Variants in LGR6 observed in about 807,000 individuals in gnomAD.
LGR6 encodes leucine-rich repeat-containing G protein-coupled receptor 6.
Under a neutral mutation model 69.4 loss-of-function variants are expected in LGR6, and 45 were observed. That is an observed-to-expected ratio of 0.65 (90% CI 0.51 to 0.83). The LOEUF (loss-of-function observed/expected upper bound fraction) is 0.83. Ranked by LOEUF, LGR6 falls within the 40% of genes least tolerant of loss-of-function variation. The pLI is 0.00. For missense variants in LGR6, 1,108 were observed against 1,246.7 expected, an observed-to-expected ratio of 0.89 and a Z score of 1.68; for synonymous variants, 538 against 555.0, an observed-to-expected ratio of 0.97 and a Z score of 0.43.
chr1:202,194,157 G>C lies in LGR6; in HGVS notation c.168G>C (p.Gly56=). The C allele has an allele frequency of 6.4e-7, 1 of 1,574,036 alleles. No homozygotes were observed. Among genetic ancestry groups the C allele is most frequent in the South Asian group, 1.1e-5 (1 of 87,716 alleles). The change falls in exon 1 of 18, where the codon GGG becomes GGC. Residue 56 remains glycine (G), a synonymous_variant. Transcript: ENST00000367278. ...TGTCTGCCGACTGCTCTGAGCTCGGGCTGTCCGCCGTTCCGGGGGACCTGG... is the reference window on the plus strand; with the variant it reads ...TGTCTGCCGACTGCTCTGAGCTCGGCCTGTCCGCCGTTCCGGGGGACCTGG... ...IMLSADCSEL[G]LSAVPGDLDP...
intron 4 of LGR6, among the ~76,000 whole-genome samples, chr1:202,248,361 G>A (rs1021119414): frequency 6.6e-6 from 1 of 152,186 alleles, no homozygotes; most frequent in African/African-American, 2.4e-5. Flanking sequence ...TGCTTTTTTG[G>A]CTCTGGAAGG....
Position 202,318,008 on chromosome 1 carries a change from TGGG to T in LGR6, c.1706_1708del (p.Trp569_Ala570delinsSer). ...AAGCTGGGGCATCCGCCTGGCCGTG[TGGG>T]CCATCGTGTTGCTCTCCGTGCTCTG... On this transcript the variant is annotated inframe_deletion, in exon 18 of 18. Transcript: ENST00000367278. 6.2e-7 allele frequency: 1 copy of T among 1,614,162 alleles called. No individual in the cohort carries two copies. Among genetic ancestry groups the T allele is most frequent in the Non-Finnish European group, 8.5e-7 (1 of 1,180,006 alleles).
In LGR6 at chr1:202,305,711, G is replaced by A; in HGVS notation, c.1098G>A (p.Glu366=). 6.2e-7 allele frequency: 1 copy of A among 1,614,040 alleles called. No individual in the cohort carries two copies. The highest frequency in any genetic ancestry group is 1.1e-5 in the South Asian group (1 of 91,076). Residue 366 remains glutamate (E), a synonymous_variant, in exon 12 of 18, where the codon GAG becomes GAA. Transcript: ENST00000367278. ...AACTGTCTCACAATCAAATTGAGGA[G>A]CTGCCCAGCCTGCACAGGTGTCAGA... The part of the protein sequence containing the change: ...VLELSHNQIE[E]LPSLHRCQKL...
At chr1:202,227,866 C>T in intron 2 of LGR6, 70 bp from the exon 3 acceptor site, 1 of 1,073,232 alleles carries the variant, frequency 9.3e-7, no homozygotes, top group Non-Finnish European at 1.4e-6. Flanking sequence ...TCTCAAGACA[C>T]TTTCTTATGG....
intron 4 of LGR6, among the ~76,000 whole-genome samples, chr1:202,238,090 GTTTT>G (rs1229860878): frequency 6.9e-6 from 1 of 145,728 alleles, no homozygotes; most frequent in Non-Finnish European, 1.5e-5. Flanking sequence ...GTTTTGTTTT[GTTTT>G]TGTTTTTGTT....
chr1:202,208,283 T>A (rs1452196805), intron 1 of LGR6, among the ~76,000 whole-genome samples: 1 of 152,150 alleles, frequency 6.6e-6, no homozygotes. Flanking sequence ...TTTGGACAAG[T>A]CCTCTGATGC....
At chr1:202,298,289 G>A (rs538380856) in intron 7 of LGR6, among the ~76,000 whole-genome samples, 22 of 152,278 alleles carry the variant, frequency 1.4e-4, no homozygotes, top group African/African-American at 4.3e-4. Context: ...AGGGATGACC[G>A]GGATTGAGGC....
chr1:202,289,705 G>T (rs1666653735), intron 6 of LGR6, among the ~76,000 whole-genome samples: 1 of 152,198 alleles, frequency 6.6e-6, no homozygotes, highest in South Asian at 2.1e-4. Flanking sequence ...GGCTCACCCA[G>T]TCATCTGCCC....
At chr1:202,257,770 G>A (rs901807204) in intron 4 of LGR6, among the ~76,000 whole-genome samples, 1 of 152,034 alleles carries the variant, frequency 6.6e-6, no homozygotes, top group African/African-American at 2.4e-5. Context: ...TTCCTACTTT[G>A]TTATTTTCAA....
chr1:202,239,133 C>T (rs74456193), intron 4 of LGR6, among the ~76,000 whole-genome samples: 1 of 152,110 alleles, frequency 6.6e-6, no homozygotes, highest in Non-Finnish European at 1.5e-5. Flanking sequence ...TGTCTTCCAA[C>T]CAGGGTAGGT....
Position 202,227,999 on chromosome 1 carries a change from G to C in LGR6, c.348G>C (p.Leu116=). 2 of 1,610,744 alleles carry C rather than the reference G, an allele frequency of 1.2e-6. No homozygotes were observed. Among genetic ancestry groups the C allele is most frequent in the Non-Finnish European group, 1.7e-6 (2 of 1,176,966 alleles). Residue 116 remains leucine, a synonymous_variant, in exon 3 of 18, where the codon CTG becomes CTC. Coordinates refer to ENST00000367278, the MANE Select transcript of LGR6 (RefSeq NM_001017403.2). Reference sequence around the variant, plus strand: ...AAGCATTCTCTGGTCTCTACAGCCTGAAAATCCTGTAAGTATAGGTACACC... The same window carrying C: ...AAGCATTCTCTGGTCTCTACAGCCTCAAAATCCTGTAAGTATAGGTACACC... ...PGQAFSGLYS[L]KILMLQNNQL... is the part of the protein sequence containing the mutation.
In LGR6 at chr1:202,318,753, CCCTG is replaced by C. The variant is rs1198406795; in HGVS notation, c.2462_2465del (p.Cys821SerfsTer30). The C allele has an allele frequency of 1.9e-6, 3 of 1,613,618 alleles. No individual in the cohort carries two copies. Among genetic ancestry groups the C allele is most frequent in the Non-Finnish European group, 2.5e-6 (3 of 1,180,018 alleles). On this transcript the variant is annotated frameshift_variant, in exon 18 of 18. Transcript: ENST00000367278. LOFTEE classifies it low-confidence loss of function (END_TRUNC). ...AAGTCTGTCCTGCTGGTGGTGCTGC[CCCTG>C]CCTGCCTGCCTCAACCCACTGCTGT...
intron 8 of LGR6, 32 bp from the exon 9 acceptor site, chr1:202,301,131 AC>A: frequency 6.2e-7 from 1 of 1,605,874 alleles, no homozygotes; most frequent in Non-Finnish European, 8.5e-7. Flanking sequence ...GGCCTGAAAA[AC>A]CCAATTAGGT....
chr1:202,225,122 A>G (rs1483417799), intron 1 of LGR6, among the ~76,000 whole-genome samples: 3 of 152,230 alleles, frequency 2.0e-5, no homozygotes, highest in African/African-American at 7.2e-5. Context: ...AGTTTCCTTC[A>G]TAATCCCAAT....
intron 14 of LGR6, among the ~76,000 whole-genome samples, chr1:202,308,489 C>T (rs968727827): frequency 6.6e-6 from 1 of 152,160 alleles, no homozygotes; most frequent in Non-Finnish European, 1.5e-5. Flanking sequence ...TCTAATGCGC[C>T]TCCAGTAGAA....
chr1:202,288,177 A>G (rs1243314946), intron 6 of LGR6, among the ~76,000 whole-genome samples: 2 of 152,010 alleles, frequency 1.3e-5, no homozygotes, highest in African/African-American at 4.8e-5. Flanking sequence ...TGTTCTTTCC[A>G]CCATTATCCA....
chr1:202,207,799 G>A (rs531623576), intron 1 of LGR6, among the ~76,000 whole-genome samples: 1 of 152,166 alleles, frequency 6.6e-6, no homozygotes, highest in Non-Finnish European at 1.5e-5. Flanking sequence ...TGCCTAGAAC[G>A]GCGTCTGGCA....
At position 202,314,801 on chromosome 1, in the gene LGR6, G is replaced by C; in HGVS notation, c.1568-1G>C. 1.2e-6 allele frequency: 2 copies of C among 1,613,348 alleles called. No homozygotes were observed. Among genetic ancestry groups the C allele is most frequent in the Non-Finnish European group, 1.7e-6 (2 of 1,179,286 alleles). ...CTGCATCACTTTGTCTCTCCTTTCA[G>C]ATGACCAGGACCTGGATGAGCTCCA... On this transcript the variant is annotated splice_acceptor_variant, in intron 16 of 17. Coordinates refer to ENST00000367278, the MANE Select transcript of LGR6 (RefSeq NM_001017403.2). LOFTEE classifies it high-confidence loss of function.
chr1:202,211,091 G>A (rs1249126921), intron 1 of LGR6, among the ~76,000 whole-genome samples: 1 of 152,184 alleles, frequency 6.6e-6, no homozygotes, highest in African/African-American at 2.4e-5. Flanking sequence ...AGGGAACTGG[G>A]GCCAATGGCC....
Sources: allele counts gnomAD v4.1 joint callset (sites outside exome capture counted in the v4.1 genomes callset), GRCh38; gene constraint gnomAD v4.1.1; transcripts MANE v1.5; gene names NCBI Gene and HGNC (gene_info 2026-07-23, HGNC 2026-07-21).